Variants in NEK1 observed in about 807,000 individuals in gnomAD.
The protein encoded by NEK1 is NIMA related kinase 1, also known as serine/threonine-protein kinase Nek1.
In NEK1, 137 loss-of-function variants were observed where a neutral mutation model predicts 182.1. That is an observed-to-expected ratio of 0.75 (90% CI 0.65 to 0.87). NEK1 has a LOEUF of 0.87. Ranked by LOEUF, NEK1 falls within the 40% of genes least tolerant of loss-of-function variation. The pLI is 0.00. For missense variants in NEK1, 1,391 were observed against 1,494.4 expected (o/e 0.93, Z 1.14); for synonymous variants, 513 against 492.2 (o/e 1.04, Z -0.56).
chr4:169,556,027 A>G lies in NEK1; in HGVS notation c.1335T>C (p.His445=), dbSNP rs776957816. 1.7e-5 allele frequency: 28 copies of G among 1,613,596 alleles called. No individual in the cohort carries two copies. In the Middle Eastern group the frequency reaches 9.9e-4, roughly 57 times the overall value. The change falls in exon 17 of 36, where the codon CAT becomes CAC. Residue 445 remains histidine, a synonymous_variant. Coordinates refer to ENST00000507142, the MANE Select transcript of NEK1 (RefSeq NM_001199397.3). ...SSFSSRGQYE[H]YHAIFDQMQQ... is the part of the protein sequence containing the mutation. ...GCATTTGGTCAAAAATGGCATGGTAATGTTCATACTGTCCTCGAGAAGAAA... is the reference window on the plus strand; with the variant it reads ...GCATTTGGTCAAAAATGGCATGGTAGTGTTCATACTGTCCTCGAGAAGAAA...
intron 12 of NEK1, among the ~76,000 whole-genome samples, chr4:169,570,781 G>A (rs2150002679): frequency 6.6e-6 from 1 of 152,320 alleles, no homozygotes; most frequent in Admixed American, 6.5e-5. Flanking sequence ...TGGTTGCCGT[G>A]TCTGTGTAGA....
intron 35 of NEK1, among the ~76,000 whole-genome samples, chr4:169,395,415 T>C (rs1407633417): frequency 1.3e-5 from 2 of 152,198 alleles, no homozygotes; most frequent in Non-Finnish European, 2.9e-5. Context: ...AACACTGAAT[T>C]GCTTATAGTT....
intron 12 of NEK1, 179 bp downstream of exon 12, chr4:169,576,749 C>A: frequency 1.9e-6 from 1 of 521,668 alleles, no homozygotes; most frequent in Admixed American, 3.4e-5. Flanking sequence ...TACTTAATGA[C>A]TTTTTATGAC....
chr4:169,400,383 T>G, intron 34 of NEK1, 26 bp from the exon 35 acceptor site: 1 of 1,454,654 alleles, frequency 6.9e-7, no homozygotes, highest in Non-Finnish European at 9.2e-7. Context: ...AAATATAAAT[T>G]AATATTTGAA....
chr4:169,531,793 C>G (rs1757724201), intron 19 of NEK1, among the ~76,000 whole-genome samples: 1 of 152,096 alleles, frequency 6.6e-6, no homozygotes, highest in South Asian at 2.1e-4. Context: ...GGAAGACAGG[C>G]TAGCCAATTA....
At chr4:169,539,274 TGA>T (rs1320727654) in intron 18 of NEK1, among the ~76,000 whole-genome samples, 4 of 152,224 alleles carry the variant, frequency 2.6e-5, no homozygotes, top group African/African-American at 9.6e-5. Flanking sequence ...TGGAAAATTC[TGA>T]GATTAATAAC....
chr4:169,434,848 C>T (rs558173530), intron 28 of NEK1, among the ~76,000 whole-genome samples: 3 of 152,138 alleles, frequency 2.0e-5, no homozygotes, highest in African/African-American at 7.2e-5. Context: ...GGGGCAAAAT[C>T]CTTTTTTATT....
At chr4:169,505,619 C>T (rs963151476) in intron 23 of NEK1, among the ~76,000 whole-genome samples, 1 of 152,188 alleles carries the variant, frequency 6.6e-6, no homozygotes, top group Non-Finnish European at 1.5e-5. Flanking sequence ...CCCCAACCCC[C>T]ATGTTGTTCA....
intron 8 of NEK1, 148 bp downstream of exon 8, chr4:169,588,501 C>T (rs1005119511): frequency 3.6e-5 from 16 of 446,518 alleles, no homozygotes; most frequent in Non-Finnish European, 2.0e-5. Context: ...TACAATTCCC[C>T]TCACCATATA....
intron 13 of NEK1, 71 bp from the exon 14 acceptor site, chr4:169,561,962 T>G: frequency 7.6e-7 from 1 of 1,322,916 alleles, no homozygotes; most frequent in Admixed American, 2.2e-5. Context: ...GGAAAGTTAG[T>G]ACACCAATGG....
At position 169,473,337 on chromosome 4, in the gene NEK1, C is replaced by A. The variant is rs1382595935; in HGVS notation, c.2434+3787G>T. Among the ~76,000 whole-genome samples, 10 of 151,028 alleles carry A rather than the reference C, an allele frequency of 6.6e-5. No individual in the cohort carries two copies. The South Asian group carries it at 2.1e-3, about 32-fold the overall frequency. On this transcript the variant is annotated intron_variant, in intron 26 of 35. Coordinates refer to ENST00000507142, the MANE Select transcript of NEK1 (RefSeq NM_001199397.3). ...TGGACATGGAGGCAAATAATAGACA[C>A]TGGGGACTCCAAAAGGGGAGAGGCT... is the stretch of plus-strand genomic sequence containing the variant.
intron 29 of NEK1, among the ~76,000 whole-genome samples, chr4:169,428,351 GATATAT>G (rs60550267): frequency 1.3e-4 from 12 of 93,246 alleles, no homozygotes; most frequent in Admixed American, 4.3e-4. Context: ...AAATATATGG[GATATAT>G]ATATATATAT....
At chr4:169,491,957 T>C (rs1430478581) in intron 23 of NEK1, among the ~76,000 whole-genome samples, 6 of 152,242 alleles carry the variant, frequency 3.9e-5, no homozygotes, top group Non-Finnish European at 7.3e-5. Flanking sequence ...TAAGATGCTT[T>C]GTGTAAGCCT....
intron 32 of NEK1, among the ~76,000 whole-genome samples, chr4:169,405,134 T>C (rs1370932523): frequency 6.6e-6 from 1 of 152,222 alleles, no homozygotes; most frequent in East Asian, 1.9e-4. Context: ...GGAAGCATTC[T>C]GAGAAATGCA....
chr4:169,602,678 ACTAAC>A lies in NEK1; in HGVS notation c.-48-5_-48-1del. ...TACAGATATGCTAGACATTTAAAAA[ACTAAC>A]AAAAAAGATAAAGCATTTATAACAT... On this transcript the variant is annotated splice_acceptor_variant and splice_polypyrimidine_tract_variant and intron_variant, in intron 2 of 35. Transcript: ENST00000507142. LOFTEE classifies it low-confidence loss of function (5UTR_SPLICE). 2.0e-6 allele frequency: 2 copies of A among 976,668 alleles called. No individual in the cohort carries two copies. Among genetic ancestry groups the A allele is most frequent in the Non-Finnish European group, 3.2e-6 (2 of 620,202 alleles). 60.5% of individuals were successfully genotyped at this position (976,668 alleles called of 1,614,324 possible).
At position 169,585,001 on chromosome 4, in the gene NEK1, CATA is replaced by C. The variant is rs1425595908; in HGVS notation, c.807+345_807+347del. Among the ~76,000 whole-genome samples, 19 of 152,250 alleles carry C rather than the reference CATA, an allele frequency of 1.2e-4. No individual in the cohort carries two copies. The East Asian group carries it at 2.5e-3, about 20-fold the overall frequency. On this transcript the variant is annotated intron_variant, in intron 10 of 35. Transcript: ENST00000507142. ...AGGAGTTCCAGACAAGCCTGAATAA[CATA>C]ATGAGACTGTCTCTAAAAAAAATTT... is the stretch of plus-strand genomic sequence containing the variant.
intron 5 of NEK1, among the ~76,000 whole-genome samples, chr4:169,593,076 C>G (rs771108527): frequency 6.6e-6 from 1 of 151,592 alleles, no homozygotes; most frequent in Non-Finnish European, 1.5e-5. Context: ...ATTTCCCATA[C>G]TTGTACTTCT....
chr4:169,514,455 T>C (rs1250427493), intron 19 of NEK1, among the ~76,000 whole-genome samples: 4 of 152,230 alleles, frequency 2.6e-5, no homozygotes, highest in Admixed American at 2.6e-4. Context: ...TTGGTGTTAA[T>C]TCTTCTTTGA....
intron 5 of NEK1, among the ~76,000 whole-genome samples, chr4:169,595,593 A>G (rs980896000): frequency 3.3e-5 from 5 of 152,192 alleles, no homozygotes; most frequent in African/African-American, 1.2e-4. Context: ...GATGATTTTC[A>G]TGTAATCAGT....
Sources: allele counts gnomAD v4.1 joint callset (sites outside exome capture counted in the v4.1 genomes callset), GRCh38; gene constraint gnomAD v4.1.1; transcripts MANE v1.5; gene names NCBI Gene and HGNC (gene_info 2026-07-23, HGNC 2026-07-21).